Variants in NUP188 observed in about 807,000 individuals in gnomAD.
The protein encoded by NUP188 is nucleoporin NUP188.
A neutral mutation model predicts 223.0 loss-of-function variants in NUP188; 97 were observed. The observed-to-expected ratio is 0.43, with a 90% confidence interval of 0.37 to 0.51. The LOEUF is 0.51. NUP188 is among the 20% of genes least tolerant of loss of function. The pLI, the probability that NUP188 is intolerant of heterozygous loss-of-function variation, is 0.00. For synonymous variants in NUP188, 869 were observed against 828.0 expected, an observed-to-expected ratio of 1.05 and a Z score of -0.85; for missense variants, 1,947 against 2,175.6, an observed-to-expected ratio of 0.89 and a Z score of 2.09.
chr9:128,947,739 G>T lies in NUP188; in HGVS notation c.20G>T (p.Gly7Val). Residue 7 changes from glycine to valine, a missense_variant, in exon 1 of 44, where the codon GGG becomes GTG. Gly to Val is a moderately radical substitution (Grantham distance 109). Transcript: ENST00000372577. Reference protein sequence around the residue: MAAAAGGPCVRSSRELW... With the variant: MAAAAGVPCVRSSRELW... ...GCGAAGATGGCGGCGGCCGCCGGCG[G>T]GCCGTGTGTGAGGTGCGGAGCGGGT... is the stretch of plus-strand genomic sequence containing the variant. The T allele has an allele frequency of 6.8e-7, 1 of 1,474,706 alleles. No homozygotes were observed. The highest frequency in any genetic ancestry group is 9.0e-7 in the Non-Finnish European group (1 of 1,115,538). The allele number at this position is 1,474,706 out of a possible 1,614,324, so 91.4% of individuals were successfully genotyped here. A position where few individuals can be genotyped will look rare whatever the true frequency, so the allele number is the denominator to read the frequency against.
chr9:128,987,082 AGAGAGAGTGTGTGTGT>A (rs1408437017), intron 22 of NUP188, among the ~76,000 whole-genome samples: 29 of 131,866 alleles, frequency 2.2e-4, no homozygotes, highest in African/African-American at 7.1e-4. Flanking sequence ...AGAGAGAGAG[AGAGAGAGTGTGTGTGT>A]GTGTGTGTGT....
At position 128,998,606 on chromosome 9, in the gene NUP188, C is replaced by T. The variant is rs988937913; in HGVS notation, c.3498C>T (p.Leu1166=). 12 of 1,613,956 alleles carry T rather than the reference C, an allele frequency of 7.4e-6. No individual in the cohort carries two copies. Among genetic ancestry groups the T allele is most frequent in the Non-Finnish European group, 1.0e-5 (12 of 1,179,986 alleles). ...TGAAGTGCACTCTGCTGCTTATCCT[C>T]CTCCGGCAGTGGAAGAGGTGAGGCT... is the stretch of plus-strand genomic sequence containing the variant. ...GSMKCTLLLI[L]LRQWKRELGS... is the part of the protein sequence containing the mutation. The change falls in exon 32 of 44, where the codon CTC becomes CTT. Residue 1166 remains leucine, a synonymous_variant. Transcript: ENST00000372577.
chr9:129,001,051 T>C (rs1241937899), intron 34 of NUP188, among the ~76,000 whole-genome samples: 1 of 152,080 alleles, frequency 6.6e-6, no homozygotes, highest in East Asian at 1.9e-4. Context: ...AAAATGTCTT[T>C]ATGACTCTGG....
In NUP188 at chr9:128,984,879, TCCCTCTACTTC is replaced by T; in HGVS notation, c.1962-20_1962-10del. 6.6e-7 allele frequency: 1 copy of T among 1,517,470 alleles called. No individual in the cohort carries two copies. The highest frequency in any genetic ancestry group is 1.2e-5 in the South Asian group (1 of 84,746). 94.0% of individuals were successfully genotyped at this position (1,517,470 alleles called of 1,614,324 possible). The stretch of plus-strand genomic sequence containing the variant: ...CTTGAAATTTCCCTATCATTTTTTT[TCCCTCTACTTC>T]TTTTTCCAGTGCGGAAGGGATGAAT... On this transcript the variant is annotated splice_polypyrimidine_tract_variant and intron_variant, in intron 19 of 43. Coordinates refer to ENST00000372577, the MANE Select transcript of NUP188 (RefSeq NM_015354.3).
intron 13 of NUP188, among the ~76,000 whole-genome samples, chr9:128,979,836 G>T (rs1842231214): frequency 6.6e-6 from 1 of 152,192 alleles, no homozygotes; most frequent in Non-Finnish European, 1.5e-5. Flanking sequence ...GTTTCACTAT[G>T]TTGGCCAGGC....
chr9:129,001,347 C>G (rs1842662176), intron 34 of NUP188, among the ~76,000 whole-genome samples, 182 bp from the exon 35 acceptor site: 1 of 152,044 alleles, frequency 6.6e-6, no homozygotes, highest in Non-Finnish European at 1.5e-5. Context: ...TGCTGCTGTT[C>G]ATTGAGAGCT....
At chr9:128,949,299 C>T in intron 2 of NUP188, 56 bp downstream of exon 2, 1 of 1,224,986 alleles carries the variant, frequency 8.2e-7, no homozygotes, top group Non-Finnish European at 1.2e-6. Flanking sequence ...GCTTTTGTTA[C>T]CAAAAAAAAC....
intron 1 of NUP188, chr9:128,948,136 T>G: frequency 5.5e-6 from 1 of 182,256 alleles, no homozygotes. Context: ...CCCACCCACG[T>G]CCCTGCTGCA....
At chr9:128,957,221 C>A (rs1841883719) in intron 5 of NUP188, among the ~76,000 whole-genome samples, 189 bp downstream of exon 5, 1 of 152,086 alleles carries the variant, frequency 6.6e-6, no homozygotes, top group African/African-American at 2.4e-5. Flanking sequence ...GCCTGTACTC[C>A]CAGCTTCTTG....
chr9:128,970,306 T>C (rs1269289950), intron 10 of NUP188, among the ~76,000 whole-genome samples: 1 of 151,916 alleles, frequency 6.6e-6, no homozygotes, highest in Non-Finnish European at 1.5e-5. Context: ...GATAATTGAG[T>C]CTGTGAGAGT....
At chr9:128,980,087 AC>A (rs1297141565) in intron 13 of NUP188, among the ~76,000 whole-genome samples, 2 of 152,224 alleles carry the variant, frequency 1.3e-5, no homozygotes, top group African/African-American at 4.8e-5. Context: ...TTTGAAAAGA[AC>A]AATTTCTCAC....
intron 30 of NUP188, among the ~76,000 whole-genome samples, chr9:128,996,784 A>G (rs1232260270): frequency 6.6e-6 from 1 of 152,164 alleles, no homozygotes; most frequent in Non-Finnish European, 1.5e-5. Flanking sequence ...CCCCAAAGGA[A>G]ACCTATCTGG....
Position 129,006,882 on chromosome 9 carries a change from G to A in NUP188, c.*204G>A. On this transcript the variant is annotated 3_prime_UTR_variant, in exon 44 of 44. Coordinates refer to ENST00000372577, the MANE Select transcript of NUP188 (RefSeq NM_015354.3). The stretch of plus-strand genomic sequence containing the variant: ...GTCAACAGCAGGCATGGGGAGCCGA[G>A]TCTTCTGTGCTCAGGTCCTCACGCT... 1 of 510,650 alleles carries A rather than the reference G, an allele frequency of 2.0e-6. No individual in the cohort carries two copies. Among genetic ancestry groups the A allele is most frequent in the South Asian group, 3.3e-5 (1 of 30,706 alleles). The allele number at this position is 510,650 out of a possible 1,614,324, so 31.6% of individuals were successfully genotyped here. A position where few individuals can be genotyped will look rare whatever the true frequency, so the allele number is the denominator to read the frequency against.
At chr9:128,983,178 G>A in intron 17 of NUP188, 115 bp from the exon 18 acceptor site, 2 of 1,401,758 alleles carry the variant, frequency 1.4e-6, no homozygotes, top group Non-Finnish European at 2.0e-6. Context: ...GGGTTTTCCT[G>A]TTTTTATATG....
Position 128,995,168 on chromosome 9 carries a change from C to A in NUP188, c.3156-151C>A, listed in dbSNP as rs898337700. 1.5e-5 allele frequency: 10 copies of A among 660,156 alleles called. No individual in the cohort carries two copies. In the African/African-American group the frequency reaches 1.8e-4, roughly 12 times the overall value. 40.9% of individuals were successfully genotyped at this position (660,156 alleles called of 1,614,324 possible). A position where few individuals can be genotyped will look rare whatever the true frequency, so the allele number is the denominator to read the frequency against. On this transcript the variant is annotated intron_variant, in intron 29 of 43. Transcript: ENST00000372577. The stretch of plus-strand genomic sequence containing the variant: ...TTATGGAGGAGGAATCCTGGAAAGG[C>A]CTCAGCCTAACCCACACGTTGGAGG...
rs143205848 is a variant in NUP188 at position 128,967,504 on chromosome 9, A to T, written c.586-1002A>T. Among the ~76,000 whole-genome samples the T allele has an allele frequency of 1.6e-4, 24 of 152,168 alleles. No homozygotes were observed. The East Asian group carries it at 4.5e-3, about 28-fold the overall frequency. On this transcript the variant is annotated intron_variant, in intron 8 of 43. Transcript: ENST00000372577. Reference sequence around the variant, plus strand: ...ACCTTGCTTCTACAAAAAATTTAAAAAATTGGCTGGGCGCGGTGGCTCACG... The same window carrying T: ...ACCTTGCTTCTACAAAAAATTTAAATAATTGGCTGGGCGCGGTGGCTCACG...
intron 13 of NUP188, among the ~76,000 whole-genome samples, chr9:128,979,690 T>C (rs1429073549): frequency 1.3e-5 from 2 of 152,084 alleles, no homozygotes; most frequent in African/African-American, 4.8e-5. Flanking sequence ...TGGAGTGCAA[T>C]GGCGCGATCT....
At chr9:128,958,964 G>C (rs1841907837) in intron 7 of NUP188, 51 bp from the exon 8 acceptor site, 1 of 1,405,118 alleles carries the variant, frequency 7.1e-7, no homozygotes, top group Non-Finnish European at 9.7e-7. Flanking sequence ...ATATTTATTT[G>C]AATATTTACC....
chr9:128,986,891 T>C lies in NUP188; in HGVS notation c.2264+16T>C. 6.2e-7 allele frequency: 1 copy of C among 1,611,332 alleles called. No individual in the cohort carries two copies. Among genetic ancestry groups the C allele is most frequent in the Non-Finnish European group, 8.5e-7 (1 of 1,177,942 alleles). ...TGCACAGCAGGTAATGAAGGGTTGATTACTAGAGCTTGGTGCTCGCCAAGG... is the reference window on the plus strand; with the variant it reads ...TGCACAGCAGGTAATGAAGGGTTGACTACTAGAGCTTGGTGCTCGCCAAGG... On this transcript the variant is annotated intron_variant, in intron 22 of 43. Coordinates refer to ENST00000372577, the MANE Select transcript of NUP188 (RefSeq NM_015354.3).
Sources: allele counts gnomAD v4.1 joint callset (sites outside exome capture counted in the v4.1 genomes callset), GRCh38; gene constraint gnomAD v4.1.1; transcripts MANE v1.5; gene names NCBI Gene and HGNC (gene_info 2026-07-23, HGNC 2026-07-21).